Variants in RGS6 observed in about 807,000 individuals in gnomAD.
RGS6 encodes regulator of G-protein signaling 6.
Under a neutral mutation model 78.5 loss-of-function variants are expected in RGS6, and 30 were observed. The ratio of observed to expected loss-of-function variants is 0.38; its 90% CI spans 0.29 to 0.52. The LOEUF (loss-of-function observed/expected upper bound fraction) is 0.52, where lower values mean the gene tolerates loss of function less well. Among genes scored for constraint, RGS6 ranks in the 20% least tolerant of loss-of-function variants. The pLI, the probability that RGS6 is intolerant of heterozygous loss-of-function variation, is 0.85. For synonymous variants in RGS6, 206 were observed against 206.0 expected (o/e 1.00, Z 0.00); for missense variants, 495 against 609.7 (o/e 0.81, Z 1.98).
intron 13 of RGS6, among the ~76,000 whole-genome samples, chr14:72,508,019 T>C (rs994855128): frequency 6.6e-6 from 1 of 152,222 alleles, no homozygotes; most frequent in African/African-American, 2.4e-5. Context: ...GTGGCTTGCG[T>C]TTGAGAGAAT....
Position 71,986,866 on chromosome 14 carries a change from C to G in RGS6, c.84+21991C>G, listed in dbSNP as rs564935356. Among the ~76,000 whole-genome samples, 94 of 152,294 alleles carry G rather than the reference C, an allele frequency of 6.2e-4. No homozygotes were observed. In the Middle Eastern group the frequency reaches 0.01, roughly 17 times the overall value. On this transcript the variant is annotated intron_variant, in intron 2 of 17. Transcript: ENST00000553525. The stretch of plus-strand genomic sequence containing the variant: ...AGCTTCTAGAGGCTGCCTACATTCC[C>G]TAAGTCATAGCCCCACATCAGTCCC...
chr14:72,449,976 C>G (rs890682419), intron 3 of RGS6, among the ~76,000 whole-genome samples: 1 of 152,212 alleles, frequency 6.6e-6, no homozygotes, highest in Non-Finnish European at 1.5e-5. Flanking sequence ...TCTTTCTTCT[C>G]TCTGTGCTTT....
At chr14:72,155,715 CA>C (rs1405662194) in intron 2 of RGS6, among the ~76,000 whole-genome samples, 1 of 152,182 alleles carries the variant, frequency 6.6e-6, no homozygotes, top group Non-Finnish European at 1.5e-5. Flanking sequence ...CCACTTTTAA[CA>C]ACACAGTGGC....
At chr14:72,308,110 A>G (rs533228111) in intron 2 of RGS6, among the ~76,000 whole-genome samples, 39 of 152,300 alleles carry the variant, frequency 2.6e-4, no homozygotes, top group African/African-American at 8.4e-4. Context: ...TCATCTTTAA[A>G]TATGATGATT....
chr14:72,474,630 C>T lies in RGS6; in HGVS notation c.624C>T (p.Gly208=), dbSNP rs772419620. The change falls in exon 10 of 18, where the codon GGC becomes GGT. Residue 208 remains glycine, a synonymous_variant. Transcript: ENST00000553525. The part of the protein sequence containing the change: ...AFWDVHRPVP[G]CVNTTEMDIR... ...ATGTGTTTTTTTTTTCTCAGCCAGG[C>T]TGTGTGAACACAACAGAAATGGATA... is the stretch of plus-strand genomic sequence containing the variant. The T allele has an allele frequency of 1.2e-6, 2 of 1,606,926 alleles. No individual in the cohort carries two copies. Among genetic ancestry groups the T allele is most frequent in the Non-Finnish European group, 8.5e-7 (1 of 1,177,622 alleles).
intron 2 of RGS6, among the ~76,000 whole-genome samples, chr14:72,156,989 A>G (rs2096782203): frequency 6.6e-6 from 1 of 152,208 alleles, no homozygotes; most frequent in African/African-American, 2.4e-5. Flanking sequence ...CTGGCTCTGA[A>G]TCTGTTGTCA....
At chr14:71,913,908 G>A in the RGS6 span, among the ~76,000 whole-genome samples, 7 of 152,282 alleles carry the variant, frequency 4.6e-5, no homozygotes, top group South Asian at 1.2e-3. Flanking sequence ...TAATTAAAGT[G>A]GATTATCTAA....
chr14:72,158,829 G>A lies in RGS6; in HGVS notation c.85-193266G>A, dbSNP rs574868461. ...ATAGAGCAGCCTATTTAGAATATCC[G>A]GTATAACATTGCAGGGAATAGCAAG... On this transcript the variant is annotated intron_variant, in intron 2 of 17. Coordinates refer to ENST00000553525, the MANE Select transcript of RGS6 (RefSeq NM_001204424.2). 1.3e-4 allele frequency among the ~76,000 whole-genome samples: 19 copies of A among 149,682 alleles called. No individual in the cohort carries two copies. In the East Asian group the frequency reaches 1.4e-3, roughly 11 times the overall value.
chr14:72,345,648 C>T (rs1048989004), intron 2 of RGS6, among the ~76,000 whole-genome samples: 1 of 152,198 alleles, frequency 6.6e-6, no homozygotes, highest in African/African-American at 2.4e-5. Context: ...ACAGCCTTAA[C>T]TGTAAGCCTA....
rs143514523 is a variant in RGS6, at chr14:72,390,471, T to C, written c.184+38277T>C. Among the ~76,000 whole-genome samples, 71 of 152,210 alleles carry C rather than the reference T, an allele frequency of 4.7e-4. 1 individual carries two copies. In the East Asian group the frequency reaches 0.013, roughly 27 times the overall value. ...GTAGTGTCTGAAAAAGTCCTCATTA[T>C]AGATGGGACAAAAAGATTTAGTGGG... On this transcript the variant is annotated intron_variant, in intron 3 of 17. Transcript: ENST00000553525.
the RGS6 span, among the ~76,000 whole-genome samples, chr14:71,898,567 G>A: frequency 4.5e-4 from 68 of 152,188 alleles, no homozygotes; most frequent in African/African-American, 1.3e-3. Flanking sequence ...TGTTACATAG[G>A]TATACATGTG....
chr14:72,606,106 A>G, the RGS6 span, among the ~76,000 whole-genome samples: 1 of 151,758 alleles, frequency 6.6e-6, no homozygotes, highest in African/African-American at 2.4e-5. Context: ...GAAAACCACT[A>G]TTCTAGAACA....
At chr14:72,439,819 G>A (rs1472619335) in intron 3 of RGS6, among the ~76,000 whole-genome samples, 2 of 152,224 alleles carry the variant, frequency 1.3e-5, no homozygotes, top group African/African-American at 4.8e-5. Flanking sequence ...CTTCATCAGA[G>A]AGTAGCTGTG....
chr14:72,346,883 A>G (rs1566584525), intron 2 of RGS6, among the ~76,000 whole-genome samples: 1 of 152,182 alleles, frequency 6.6e-6, no homozygotes, highest in African/African-American at 2.4e-5. Flanking sequence ...AATTGTGTCT[A>G]TCTTTTTATA....
At chr14:72,109,933 A>G (rs1016995078) in intron 2 of RGS6, among the ~76,000 whole-genome samples, 8 of 152,184 alleles carry the variant, frequency 5.3e-5, no homozygotes, top group Non-Finnish European at 8.8e-5. Flanking sequence ...GTAACTCCCA[A>G]TCCAAGACTT....
chr14:72,473,867 A>G (rs1214548054), intron 9 of RGS6: 3 of 152,238 alleles, frequency 2.0e-5, no homozygotes, highest in Non-Finnish European at 2.9e-5. Context: ...TCATGCCTGC[A>G]TGTTTATTTC....
At chr14:72,043,938 C>G (rs1245124410) in intron 2 of RGS6, among the ~76,000 whole-genome samples, 2 of 152,194 alleles carry the variant, frequency 1.3e-5, no homozygotes, top group African/African-American at 2.4e-5. Flanking sequence ...TACTCCTCCT[C>G]TTCCTTGTTC....
At chr14:72,161,676 G>A (rs929756644) in intron 2 of RGS6, among the ~76,000 whole-genome samples, 7 of 152,178 alleles carry the variant, frequency 4.6e-5, no homozygotes, top group African/African-American at 1.7e-4. Flanking sequence ...ACGTAATTCT[G>A]GGCCCTCTTT....
intron 2 of RGS6, among the ~76,000 whole-genome samples, chr14:72,048,588 C>G (rs990211939): frequency 6.6e-6 from 1 of 152,158 alleles, no homozygotes; most frequent in African/African-American, 2.4e-5. Context: ...TCCAGTCAAT[C>G]ATTGCTCTTA....
Sources: gnomAD v4.1 joint callset for allele counts (sites outside exome capture counted in the v4.1 genomes callset) on GRCh38, gnomAD v4.1.1 for gene constraint, MANE v1.5 for transcripts, NCBI Gene and HGNC (gene_info 2026-07-23, HGNC 2026-07-21) for gene names.